SV2C: variants seen among roughly 807,000 people sequenced by gnomAD.
SV2C encodes solute carrier family 22 member B3.
Under a neutral mutation model 79.7 loss-of-function variants are expected in SV2C, and 49 were observed. The observed-to-expected ratio is 0.61, with a 90% confidence interval of 0.49 to 0.78. The LOEUF (loss-of-function observed/expected upper bound fraction) is 0.78, where lower values mean the gene tolerates loss of function less well. Ranked by LOEUF, SV2C falls within the 30% of genes least tolerant of loss-of-function variation. The probability of loss-of-function intolerance (pLI) is 0.00; values close to 1 mark genes in which losing one functional copy is unlikely to be tolerated. For synonymous variants in SV2C, 334 were observed against 333.2 expected (o/e 1.00, Z -0.03); for missense variants, 833 against 912.9 (o/e 0.91, Z 1.13).
At chr5:76,215,728 G>T (rs756728599) in intron 4 of SV2C, among the ~76,000 whole-genome samples, 3 of 152,222 alleles carry the variant, frequency 2.0e-5, no homozygotes, top group Admixed American at 6.5e-5. Flanking sequence ...ATGAACACAG[G>T]AGTGTAATAA....
intron 1 of SV2C, among the ~76,000 whole-genome samples, chr5:76,108,924 G>A (rs751756015): frequency 9.9e-5 from 15 of 152,186 alleles, no homozygotes; most frequent in Non-Finnish European, 2.1e-4. Flanking sequence ...TCCTGTTAGT[G>A]TTAGAGATGA....
At chr5:75,971,411 C>T in the SV2C span, among the ~76,000 whole-genome samples, 38 of 151,948 alleles carry the variant, frequency 2.5e-4, no homozygotes, top group African/African-American at 3.9e-4. Flanking sequence ...GACATGATTG[C>T]ATATCTAGAA....
At chr5:75,978,563 G>C in the SV2C span, among the ~76,000 whole-genome samples, 2 of 151,942 alleles carry the variant, frequency 1.3e-5, no homozygotes, top group African/African-American at 4.8e-5. Context: ...TCTAGGAAGG[G>C]GTAATGAAGT....
intron 3 of SV2C, among the ~76,000 whole-genome samples, chr5:76,203,076 C>T (rs1454727399): frequency 6.6e-6 from 1 of 152,208 alleles, no homozygotes; most frequent in African/African-American, 2.4e-5. Context: ...CTTTTGGACA[C>T]ATTTTGTTTC....
chr5:76,115,168 A>G (rs954094815), intron 1 of SV2C, among the ~76,000 whole-genome samples: 1 of 152,224 alleles, frequency 6.6e-6, no homozygotes, highest in Non-Finnish European at 1.5e-5. Flanking sequence ...TTTAGGAACA[A>G]TCGCGCGTTG....
chr5:75,931,126 C>G, the SV2C span, among the ~76,000 whole-genome samples: 1 of 152,130 alleles, frequency 6.6e-6, no homozygotes, highest in Non-Finnish European at 1.5e-5. Context: ...GACCAAGACT[C>G]GGTCTTTAAA....
the SV2C span, among the ~76,000 whole-genome samples, chr5:76,014,366 A>T: frequency 6.6e-6 from 1 of 152,182 alleles, no homozygotes; most frequent in Non-Finnish European, 1.5e-5. Flanking sequence ...AGAAAGCCCC[A>T]CTGCAAAATT....
intron 2 of SV2C, among the ~76,000 whole-genome samples, chr5:76,149,698 C>T (rs62363490): frequency 0.33 from 50,123 of 151,754 alleles, 9,837 homozygotes; most frequent in Non-Finnish European, 0.45. Context: ...ATGTCTTACC[C>T]GCAGCTGAGG....
the SV2C span, among the ~76,000 whole-genome samples, chr5:76,039,442 C>T: frequency 6.6e-6 from 1 of 152,026 alleles, no homozygotes; most frequent in Non-Finnish European, 1.5e-5. Context: ...CTTAACTAGC[C>T]CAACACCCAC....
At chr5:75,975,104 C>T in the SV2C span, among the ~76,000 whole-genome samples, 591 of 152,230 alleles carry the variant, frequency 3.9e-3, 1 homozygote, top group Admixed American at 8.7e-3. Flanking sequence ...AGAAAGCATG[C>T]GACATCTGAC....
chr5:76,032,371 A>G, the SV2C span, among the ~76,000 whole-genome samples: 149 of 152,250 alleles, frequency 9.8e-4, no homozygotes, highest in African/African-American at 3.3e-3. Flanking sequence ...AGCATTAGGT[A>G]TATCTCCCAA....
chr5:76,054,478 G>C, the SV2C span, among the ~76,000 whole-genome samples: 1 of 152,154 alleles, frequency 6.6e-6, no homozygotes, highest in Non-Finnish European at 1.5e-5. Context: ...CTTTATAGTA[G>C]AATAATTTAT....
At chr5:76,242,436 C>T in intron 4 of SV2C, 5 of 595,966 alleles carry the variant, frequency 8.4e-6, no homozygotes, top group South Asian at 6.1e-5. Flanking sequence ...GATCTGCCCA[C>T]CTCGGCCTCC....
chr5:76,029,378 C>G, the SV2C span, among the ~76,000 whole-genome samples: 1 of 152,172 alleles, frequency 6.6e-6, no homozygotes, highest in Non-Finnish European at 1.5e-5. Context: ...TCCCCAACCC[C>G]CTAACCTCTC....
At chr5:76,224,935 AT>A (rs1745195469) in intron 4 of SV2C, among the ~76,000 whole-genome samples, 1 of 152,056 alleles carries the variant, frequency 6.6e-6, no homozygotes, top group South Asian at 2.1e-4. Flanking sequence ...TTGTGTTTCT[AT>A]TTTATTCAGC....
chr5:76,342,155 G>A (rs1470348201), intron 12 of SV2C, among the ~76,000 whole-genome samples: 1 of 152,178 alleles, frequency 6.6e-6, no homozygotes, highest in Non-Finnish European at 1.5e-5. Context: ...AAGTGGTCAT[G>A]CATATACGGG....
chr5:75,950,114 G>A, the SV2C span, among the ~76,000 whole-genome samples: 1 of 152,002 alleles, frequency 6.6e-6, no homozygotes, highest in Non-Finnish European at 1.5e-5. Context: ...TGAGCCCTGG[G>A]GCACTGTTGG....
chr5:76,091,340 G>T (rs930602751), intron 1 of SV2C, among the ~76,000 whole-genome samples: 9 of 152,078 alleles, frequency 5.9e-5, no homozygotes, highest in Non-Finnish European at 1.0e-4. Context: ...GGCATTCCCC[G>T]CCTGCTTCAA....
At chr5:75,981,636 A>G in the SV2C span, among the ~76,000 whole-genome samples, 1 of 152,166 alleles carries the variant, frequency 6.6e-6, no homozygotes, top group Non-Finnish European at 1.5e-5. Context: ...CTATTTGACA[A>G]ATGGTGCTGG....
Sources: allele counts gnomAD v4.1 joint callset (sites outside exome capture counted in the v4.1 genomes callset), GRCh38; gene constraint gnomAD v4.1.1; transcripts MANE v1.5; gene names NCBI Gene and HGNC (gene_info 2026-07-23, HGNC 2026-07-21).